The following GALNT13 variants were observed in gnomAD, a reference collection of about 807,000 sequenced individuals.
The protein encoded by GALNT13 is UDP-GalNAc:polypeptide N-acetylgalactosaminyltransferase 13.
GALNT13 carries 28 observed loss-of-function variants against 64.2 expected under a neutral mutation model. The ratio of observed to expected loss-of-function variants is 0.44; its 90% CI spans 0.32 to 0.60. GALNT13 has a LOEUF of 0.60. Among genes scored for constraint, GALNT13 ranks in the 20% least tolerant of loss-of-function variants. GALNT13 has a pLI of 0.05. For missense variants in GALNT13, 577 were observed against 669.8 expected (o/e 0.86, Z 1.53); for synonymous variants, 214 against 224.6 (o/e 0.95, Z 0.42).
chr2:153,235,371 CA>C, the GALNT13 span, among the ~76,000 whole-genome samples: 1 of 152,012 alleles, frequency 6.6e-6, no homozygotes, highest in African/African-American at 2.4e-5. Flanking sequence ...GTGGGATGCT[CA>C]AAGGTGAGAC....
intron 8 of GALNT13, among the ~76,000 whole-genome samples, chr2:154,266,071 A>T (rs188281253): frequency 6.6e-6 from 1 of 152,284 alleles, no homozygotes; most frequent in East Asian, 1.9e-4. Flanking sequence ...TCCTGAATTT[A>T]AAAAGAAAAC....
chr2:153,550,769 CAA>C, the GALNT13 span, among the ~76,000 whole-genome samples: 1 of 152,124 alleles, frequency 6.6e-6, no homozygotes, highest in African/African-American at 2.4e-5. Flanking sequence ...ATATATCTAA[CAA>C]TAATTATTAG....
chr2:153,697,484 T>C, the GALNT13 span, among the ~76,000 whole-genome samples: 1 of 151,970 alleles, frequency 6.6e-6, no homozygotes. Context: ...TCACCTCCAT[T>C]GGCTGAGAAA....
the GALNT13 span, among the ~76,000 whole-genome samples, chr2:153,220,192 G>A: frequency 6.6e-6 from 1 of 152,304 alleles, no homozygotes; most frequent in South Asian, 2.1e-4. Flanking sequence ...TATGAGTGGG[G>A]CAGGAGAGGG....
chr2:154,109,399 C>T (rs141234210), intron 3 of GALNT13, among the ~76,000 whole-genome samples: 108 of 152,060 alleles, frequency 7.1e-4, no homozygotes, highest in African/African-American at 2.4e-3. Flanking sequence ...ATTTCCTATA[C>T]GTAAGATCAT....
chr2:153,093,463 T>C, the GALNT13 span, among the ~76,000 whole-genome samples: 1 of 152,040 alleles, frequency 6.6e-6, no homozygotes, highest in African/African-American at 2.4e-5. Flanking sequence ...GGTCTCGAAC[T>C]CCTGAGCTCA....
At chr2:153,583,724 A>G in the GALNT13 span, among the ~76,000 whole-genome samples, 1 of 152,180 alleles carries the variant, frequency 6.6e-6, no homozygotes, top group Non-Finnish European at 1.5e-5. Flanking sequence ...AGCAACTACT[A>G]TAAGACATCA....
intron 2 of GALNT13, among the ~76,000 whole-genome samples, chr2:153,913,736 G>T (rs1190859360): frequency 6.6e-6 from 1 of 152,130 alleles, no homozygotes; most frequent in Non-Finnish European, 1.5e-5. Context: ...AAGTCCTGGT[G>T]AACGGCAGTC....
chr2:153,716,608 T>C, the GALNT13 span, among the ~76,000 whole-genome samples: 1 of 152,186 alleles, frequency 6.6e-6, no homozygotes, highest in Non-Finnish European at 1.5e-5. Flanking sequence ...AAATTTTTAA[T>C]TGTATTGTTG....
Position 154,101,388 on chromosome 2 carries a change from G to T in GALNT13, c.143-38949G>T, listed in dbSNP as rs1467237116. On this transcript the variant is annotated intron_variant, in intron 3 of 12. Transcript: ENST00000392825. ...CTTCTTTATTCTATCTAGGAAGGCG[G>T]TATGTTTATAAGAATGTATCCATTT... Among the ~76,000 whole-genome samples the T allele has an allele frequency of 2.6e-5, 4 of 151,726 alleles. No homozygotes were observed. The South Asian group carries it at 6.2e-4, about 24-fold the overall frequency.
the GALNT13 span, among the ~76,000 whole-genome samples, chr2:153,182,166 C>T: frequency 6.6e-6 from 1 of 151,988 alleles, no homozygotes; most frequent in Non-Finnish European, 1.5e-5. Flanking sequence ...GCCTCAGCCT[C>T]CCAAGTAGCT....
the GALNT13 span, among the ~76,000 whole-genome samples, chr2:153,150,585 C>A: frequency 6.6e-6 from 1 of 152,076 alleles, no homozygotes; most frequent in African/African-American, 2.4e-5. Context: ...AGGTTTTCTT[C>A]TAGGGTTTTT....
chr2:153,137,099 C>T, the GALNT13 span, among the ~76,000 whole-genome samples: 1 of 151,952 alleles, frequency 6.6e-6, no homozygotes, highest in Non-Finnish European at 1.5e-5. Flanking sequence ...ATTTTATTCC[C>T]AGTCATACAA....
chr2:153,165,768 A>G, the GALNT13 span, among the ~76,000 whole-genome samples: 1 of 152,218 alleles, frequency 6.6e-6, no homozygotes. Flanking sequence ...CAGATAAAAT[A>G]GGCCTTAGGA....
chr2:153,696,198 C>T, the GALNT13 span, among the ~76,000 whole-genome samples: 3 of 152,170 alleles, frequency 2.0e-5, no homozygotes, highest in Admixed American at 6.5e-5. Context: ...TAGCAAACTA[C>T]TGGTGTAAGT....
chr2:153,755,819 TATC>T, the GALNT13 span, among the ~76,000 whole-genome samples: 2 of 152,148 alleles, frequency 1.3e-5, no homozygotes, highest in East Asian at 3.8e-4. Context: ...TCCTCCAAGA[TATC>T]ATTACAATAA....
At chr2:153,259,569 G>T in the GALNT13 span, among the ~76,000 whole-genome samples, 28 of 152,180 alleles carry the variant, frequency 1.8e-4, 1 homozygote, top group East Asian at 5.4e-3. Flanking sequence ...AATCATGGGG[G>T]TGGGTTTTCT....
intron 3 of GALNT13, among the ~76,000 whole-genome samples, chr2:154,140,118 GTCA>G (rs1683173544): frequency 6.6e-6 from 1 of 152,008 alleles, no homozygotes; most frequent in Admixed American, 6.6e-5. Context: ...TTAATGTTTA[GTCA>G]TCATATAATT....
At chr2:154,042,468 T>C (rs1699033525) in intron 3 of GALNT13, among the ~76,000 whole-genome samples, 1 of 139,754 alleles carries the variant, frequency 7.2e-6, no homozygotes, top group Admixed American at 7.2e-5. Flanking sequence ...GTTTTATTTG[T>C]TGGTCGCAGC....
Sources: gnomAD v4.1 joint callset for allele counts (sites outside exome capture counted in the v4.1 genomes callset) on GRCh38, gnomAD v4.1.1 for gene constraint, MANE v1.5 for transcripts, NCBI Gene and HGNC (gene_info 2026-07-23, HGNC 2026-07-21) for gene names.